RELN: variants seen among roughly 807,000 people sequenced by gnomAD.
RELN encodes the protein reelin.
Under a neutral mutation model 427.6 loss-of-function variants are expected in RELN, and 108 were observed. The observed-to-expected ratio is 0.25, with a 90% CI of 0.22 to 0.30. The LOEUF (loss-of-function observed/expected upper bound fraction) is 0.30. Ranked by LOEUF, RELN falls within the 10% of genes least tolerant of loss-of-function variation. The probability of loss-of-function intolerance (pLI) is 1.00; values close to 1 mark genes in which losing one functional copy is unlikely to be tolerated. For synonymous variants in RELN, 1,524 were observed against 1,513.4 expected, an observed-to-expected ratio of 1.01 and a Z score of -0.16; for missense variants, 3,715 against 4,302.8, an observed-to-expected ratio of 0.86 and a Z score of 3.82.
rs386410871 is a variant in RELN at position 103,865,132 on chromosome 7, CAAAAAAAAAAAAA to C, written c.338-31473_338-31461del. The stretch of plus-strand genomic sequence containing the variant: ...CTGGCCAACAAGAGGGAAACTGTCT[CAAAAAAAAAAAAA>C]AAAAAAAAAAGAAAGAAAGAAATTC... On this transcript the variant is annotated intron_variant, in intron 2 of 64. Coordinates refer to ENST00000428762, the MANE Select transcript of RELN (RefSeq NM_005045.4). Among the ~76,000 whole-genome samples the C allele has an allele frequency of 4.5e-5, 3 of 67,206 alleles. No homozygotes were observed. In the East Asian group the frequency reaches 1.3e-3, roughly 30 times the overall value. 44.1% of individuals were successfully genotyped at this position (67,206 alleles called of 152,430 possible).
intron 44 of RELN, 145 bp from the exon 45 acceptor site, chr7:103,539,472 C>G (rs1427760869): frequency 9.2e-6 from 7 of 757,128 alleles, no homozygotes; most frequent in Non-Finnish European, 1.1e-5. Flanking sequence ...ATGTGAGGGG[C>G]CTTTCAGAAT....
rs974283455 is a variant in RELN, at chr7:103,662,387, C to T, written c.1290-860G>A. Among the ~76,000 whole-genome samples, 39 of 152,076 alleles carry T rather than the reference C, an allele frequency of 2.6e-4. 2 individuals are homozygous for T. The highest frequency in any genetic ancestry group is 8.9e-4 in the African/African-American group (37 of 41,492). On this transcript the variant is annotated intron_variant, in intron 11 of 64. Coordinates refer to ENST00000428762, the MANE Select transcript of RELN (RefSeq NM_005045.4). Reference sequence around the variant, plus strand: ...ATGTAATCCTAGTACTTTGGGAAGCCGGGGTGGGCGGATCACGAGGTCAGG... The same window carrying T: ...ATGTAATCCTAGTACTTTGGGAAGCTGGGGTGGGCGGATCACGAGGTCAGG...
At chr7:103,896,355 C>A (rs1794960547) in intron 2 of RELN, among the ~76,000 whole-genome samples, 1 of 151,972 alleles carries the variant, frequency 6.6e-6, no homozygotes, top group Non-Finnish European at 1.5e-5. Flanking sequence ...GAGACTTGTA[C>A]AAGAATGTTC....
intron 2 of RELN, among the ~76,000 whole-genome samples, chr7:103,848,140 A>G (rs554255101): frequency 2.0e-5 from 3 of 152,170 alleles, no homozygotes; most frequent in African/African-American, 4.8e-5. Flanking sequence ...CTGGAGTTAG[A>G]CAAGGGTTAC....
chr7:103,869,915 GA>G (rs1449060812), intron 2 of RELN, among the ~76,000 whole-genome samples: 1 of 152,072 alleles, frequency 6.6e-6, no homozygotes, highest in Non-Finnish European at 1.5e-5. Context: ...ACAGATCCCT[GA>G]AGTCTTTCTT....
chr7:103,740,552 T>C (rs148644782), intron 6 of RELN, among the ~76,000 whole-genome samples: 46 of 152,356 alleles, frequency 3.0e-4, no homozygotes, highest in African/African-American at 1.1e-3. Context: ...CCAACTGTCA[T>C]AAAAAACTTG....
At chr7:103,889,747 A>G (rs1477779998) in intron 2 of RELN, among the ~76,000 whole-genome samples, 2 of 152,174 alleles carry the variant, frequency 1.3e-5, no homozygotes, top group Non-Finnish European at 2.9e-5. Context: ...TAAGTTTTCT[A>G]CAGTTATCTA....
chr7:103,539,641 T>G (rs769761741), intron 44 of RELN, among the ~76,000 whole-genome samples: 1 of 152,238 alleles, frequency 6.6e-6, no homozygotes, highest in Non-Finnish European at 1.5e-5. Context: ...GTGATTATTT[T>G]CCATGTAAAA....
Position 103,596,559 on chromosome 7 carries a change from G to C in RELN, c.3436C>G (p.Pro1146Ala). 13 of 1,613,956 alleles carry C rather than the reference G, an allele frequency of 8.1e-6. No individual in the cohort carries two copies. Among genetic ancestry groups the C allele is most frequent in the Non-Finnish European group, 1.1e-5 (13 of 1,179,896 alleles). Residue 1146 changes from proline (P) to alanine (A), a missense_variant, in exon 25 of 65, where the codon CCT becomes GCT. Physicochemically the swap from Pro to Ala is conservative, Grantham distance 27 (BLOSUM62 -1). This residue lies in a region of RELN where 2,208 missense variants were observed against 2,361.7 expected (regional missense o/e 0.93). Transcript: ENST00000428762. ...IGGESASCNKPDSREEGVLLQ... is the reference protein window; with the variant it reads ...IGGESASCNKADSREEGVLLQ... ...AGGACGCCCTCCTCTCTGCTGTCAGGCTTGTTGCATGAAGCACTCTCTCCG... is the reference window on the plus strand; with the variant it reads ...AGGACGCCCTCCTCTCTGCTGTCAGCCTTGTTGCATGAAGCACTCTCTCCG...
rs1315325152 is a variant in RELN, at chr7:103,822,872, C to G, written c.473+10665G>C. ...GAGCTTGCAGTGAGCCGAGATTGCG[C>G]CACTGCAGTCCGCAGTCCGGCCTGG... On this transcript the variant is annotated intron_variant, in intron 3 of 64. Transcript: ENST00000428762. Among the ~76,000 whole-genome samples the G allele has an allele frequency of 8.1e-3, 8 of 984 alleles. 4 individuals carry two copies. In the East Asian group the frequency reaches 0.43, roughly 53 times the overall value. 0.6% of individuals were successfully genotyped at this position (984 alleles called of 152,430 possible).
rs60846683 is a variant in RELN, at chr7:103,491,823, GTCTC to G, written c.9443+126_9443+129del. ...CAGCCTGGGCAACAAGAGCGAAACT[GTCTC>G]TCTCTCTCTCTCTCTCTCTCTCTCT... On this transcript the variant is annotated intron_variant, in intron 58 of 64. Transcript: ENST00000428762. The G allele has an allele frequency of 0.014, 6,107 of 421,454 alleles. 56 individuals carry two copies. Among genetic ancestry groups the G allele is most frequent in the African/African-American group, 0.052 (2,077 of 39,882 alleles). The allele number at this position is 421,454 out of a possible 1,614,324, so 26.1% of individuals were successfully genotyped here.
chr7:103,895,416 A>G (rs974747744), intron 2 of RELN, among the ~76,000 whole-genome samples: 1 of 152,120 alleles, frequency 6.6e-6, no homozygotes, highest in Non-Finnish European at 1.5e-5. Context: ...CTAGTTTACC[A>G]TCTGTTTGGT....
At chr7:103,862,166 G>A (rs1006972513) in intron 2 of RELN, among the ~76,000 whole-genome samples, 1 of 151,992 alleles carries the variant, frequency 6.6e-6, no homozygotes, top group African/African-American at 2.4e-5. Context: ...AATTAAAGAA[G>A]GAAAAAGCTA....
intron 8 of RELN, among the ~76,000 whole-genome samples, chr7:103,715,675 A>C (rs184537832): frequency 5.6e-4 from 85 of 152,142 alleles, no homozygotes; most frequent in African/African-American, 2.0e-3. Flanking sequence ...CCTCACTTCC[A>C]AAATATTTGT....
Position 103,989,377 on chromosome 7 carries a change from C to A in RELN, c.-21G>T. ...TCCATGCCGCCGCCGCCGCCGCCGC[C>A]GCCGCGCGCCCTACGCGCCGCTCGC... On this transcript the variant is annotated 5_prime_UTR_variant, in exon 1 of 65. Transcript: ENST00000428762. The surrounding 1 kb of genome is among the most constrained non-coding windows in gnomAD (Gnocchi z 4.9). 6.3e-6 allele frequency: 9 copies of A among 1,438,026 alleles called. No homozygotes were observed. The highest frequency in any genetic ancestry group is 8.2e-6 in the Non-Finnish European group (9 of 1,104,012). 89.1% of individuals were successfully genotyped at this position (1,438,026 alleles called of 1,614,324 possible). A position where few individuals can be genotyped will look rare whatever the true frequency, so the allele number is the denominator to read the frequency against.
At chr7:103,790,833 A>G (rs915452106) in intron 3 of RELN, among the ~76,000 whole-genome samples, 6 of 152,050 alleles carry the variant, frequency 3.9e-5, no homozygotes, top group Admixed American at 3.9e-4. Context: ...GTGGTGGTGC[A>G]TGCTTGTAGT....
chr7:103,778,777 C>T (rs1466409414), intron 3 of RELN, among the ~76,000 whole-genome samples: 10 of 152,278 alleles, frequency 6.6e-5, no homozygotes, highest in East Asian at 3.9e-4. Context: ...TGAACCTGAA[C>T]GAACCTTTAA....
chr7:103,604,259 A>G, intron 23 of RELN, 87 bp downstream of exon 23: 1 of 1,484,080 alleles, frequency 6.7e-7, no homozygotes. Flanking sequence ...CGGTCTATCC[A>G]TGTCACTCTG....
At chr7:103,587,638 C>A (rs968353889) in intron 28 of RELN, among the ~76,000 whole-genome samples, 1 of 151,552 alleles carries the variant, frequency 6.6e-6, no homozygotes. Flanking sequence ...AACAAGGGAC[C>A]AATATAATAG....
Sources: allele counts gnomAD v4.1 joint callset (sites outside exome capture counted in the v4.1 genomes callset), GRCh38; gene constraint gnomAD v4.1.1; regional missense constraint gnomAD v4.1.1; non-coding constraint Gnocchi (gnomAD v3.1); transcripts MANE v1.5; gene names NCBI Gene and HGNC (gene_info 2026-07-23, HGNC 2026-07-21).